BCO1: variants seen among roughly 807,000 people sequenced by gnomAD.
BCO1 encodes beta-carotene oxygenase 1.
In BCO1, 54 loss-of-function variants were observed where a neutral mutation model predicts 56.3. That is an observed-to-expected ratio of 0.96 (90% CI 0.77 to 1.20). BCO1 has a LOEUF of 1.20. Among genes scored for constraint, BCO1 ranks in the 50% most tolerant of loss-of-function variants. The pLI is 0.00. For missense variants in BCO1, 801 were observed against 690.9 expected (o/e 1.16, Z -1.79); for synonymous variants, 318 against 266.1 (o/e 1.20, Z -1.90).
intron 2 of BCO1, among the ~76,000 whole-genome samples, chr16:81,256,594 A>T (rs1217342363): frequency 6.6e-6 from 1 of 152,240 alleles, no homozygotes; most frequent in African/African-American, 2.4e-5. Flanking sequence ...TGCCCAGGAA[A>T]TAAAGTTCTC....
At chr16:81,259,849 T>G (rs1287598263) in intron 3 of BCO1, 44 bp downstream of exon 3, 1 of 1,612,120 alleles carries the variant, frequency 6.2e-7, no homozygotes, top group Admixed American at 1.7e-5. Context: ...TGCTTTTTGC[T>G]ATCCTTGATG....
chr16:81,256,866 C>T (rs140258359), intron 2 of BCO1, among the ~76,000 whole-genome samples: 3,088 of 151,630 alleles, frequency 0.02, 82 homozygotes, highest in African/African-American at 0.071. Flanking sequence ...CCAGCCTGGG[C>T]GACAGAGTGA....
intron 2 of BCO1, among the ~76,000 whole-genome samples, chr16:81,258,057 C>T (rs1011089331): frequency 1.3e-5 from 2 of 152,000 alleles, no homozygotes; most frequent in African/African-American, 2.4e-5. Flanking sequence ...AGTGACGCAG[C>T]CATGACCAGG....
At chr16:81,240,616 A>C (rs1312595248) in intron 1 of BCO1, among the ~76,000 whole-genome samples, 1 of 151,828 alleles carries the variant, frequency 6.6e-6, no homozygotes, top group Non-Finnish European at 1.5e-5. Flanking sequence ...GAGGTAGTAG[A>C]ATTGCTTGAA....
chr16:81,245,849 CTTTTTTT>C (rs1176582576), intron 2 of BCO1, among the ~76,000 whole-genome samples: 1,175 of 93,376 alleles, frequency 0.013, 16 homozygotes, highest in African/African-American at 0.039. Flanking sequence ...CCATCTCTGT[CTTTTTTT>C]TTTTTTTTTT....
At chr16:81,287,202 C>A in intron 9 of BCO1, 93 bp from the exon 10 acceptor site, 1 of 957,414 alleles carries the variant, frequency 1.0e-6, no homozygotes, top group Non-Finnish European at 1.7e-6. Context: ...TGGGCTTCAT[C>A]TCCTCTGTGT....
At chr16:81,259,369 C>G (rs545384596) in intron 2 of BCO1, among the ~76,000 whole-genome samples, 17 of 152,176 alleles carry the variant, frequency 1.1e-4, no homozygotes, top group Middle Eastern at 3.4e-3. Context: ...TGGCGCATGC[C>G]TATAATCCTA....
intron 6 of BCO1, among the ~76,000 whole-genome samples, chr16:81,269,179 C>A (rs1249404335): frequency 2.1e-5 from 3 of 146,144 alleles, no homozygotes; most frequent in Non-Finnish European, 4.4e-5. Context: ...TGTATAAAAT[C>A]CTCCCCAACT....
intron 2 of BCO1, among the ~76,000 whole-genome samples, chr16:81,251,689 C>T (rs2151930455): frequency 6.6e-6 from 1 of 151,986 alleles, no homozygotes; most frequent in South Asian, 2.1e-4. Flanking sequence ...TATTTCAAAG[C>T]AAAAAGTTTT....
intron 6 of BCO1, among the ~76,000 whole-genome samples, chr16:81,268,535 A>G (rs934387676): frequency 2.6e-5 from 4 of 152,202 alleles, no homozygotes; most frequent in Admixed American, 2.6e-4. Context: ...GGTAGCGGCC[A>G]GAGGTTTAGA....
intron 8 of BCO1, among the ~76,000 whole-genome samples, chr16:81,282,288 G>C (rs1258163550): frequency 6.6e-6 from 1 of 152,150 alleles, no homozygotes; most frequent in African/African-American, 2.4e-5. Context: ...AGGAGGTTGT[G>C]GCAGGAGAAT....
chr16:81,258,025 C>T (rs566719516), intron 2 of BCO1, among the ~76,000 whole-genome samples: 2 of 152,048 alleles, frequency 1.3e-5, no homozygotes, highest in Admixed American at 6.6e-5. Flanking sequence ...GATGTGATAC[C>T]GGGACAGGAG....
chr16:81,280,908 G>A lies in BCO1; in HGVS notation c.1153G>A (p.Ala385Thr). ...CAAAGTGGCATCTACAACAGCCACGGCCCTGAAGGAAGAAGATGGCCAAGT... is the reference window on the plus strand; with the variant it reads ...CAAAGTGGCATCTACAACAGCCACGACCCTGAAGGAAGAAGATGGCCAAGT... The part of the protein sequence containing the change: ...LIKVASTTAT[A>T]LKEEDGQVYC... Residue 385 changes from alanine (A) to threonine (T), a missense_variant, in exon 8 of 11, where the codon GCC becomes ACC. Ala to Thr is a moderately conservative substitution (Grantham distance 58). Coordinates refer to ENST00000258168, the MANE Select transcript of BCO1 (RefSeq NM_017429.3). 1 of 1,614,146 alleles carries A rather than the reference G, an allele frequency of 6.2e-7. No individual in the cohort carries two copies. The highest frequency in any genetic ancestry group is 2.2e-5 in the East Asian group (1 of 44,886).
intron 9 of BCO1, 73 bp downstream of exon 9, chr16:81,285,707 T>C (rs1424643012): frequency 8.7e-7 from 1 of 1,155,314 alleles, no homozygotes; most frequent in Non-Finnish European, 1.3e-6. Context: ...ATTCTAAGGT[T>C]CTGAGACGTT....
At position 81,287,381 on chromosome 16, in the gene BCO1, G is replaced by A. The variant is rs183103921; in HGVS notation, c.1389G>A (p.Ala463=). The part of the protein sequence containing the change: ...CWPAEPLFVP[A]PGAKDEDDGV... ...CAGCGGAACCCCTGTTTGTGCCCGC[G>A]CCAGGTGCCAAGGATGAGGATGACG... Residue 463 remains alanine (A), a synonymous_variant, in exon 10 of 11, where the codon GCG becomes GCA. Coordinates refer to ENST00000258168, the MANE Select transcript of BCO1 (RefSeq NM_017429.3). The A allele has an allele frequency of 1.7e-5, 27 of 1,613,940 alleles. No individual in the cohort carries two copies. Among genetic ancestry groups the A allele is most frequent in the East Asian group, 1.6e-4 (7 of 44,872 alleles).
chr16:81,240,836 A>ATTTT (rs140061342), intron 1 of BCO1, among the ~76,000 whole-genome samples: 2 of 139,798 alleles, frequency 1.4e-5, no homozygotes, highest in Non-Finnish European at 1.5e-5. Context: ...TTTAATTTTA[A>ATTTT]TTTTTTTTTT....
intron 9 of BCO1, 120 bp downstream of exon 9, chr16:81,285,754 G>C (rs1308993178): frequency 1.3e-6 from 1 of 794,454 alleles, no homozygotes. Flanking sequence ...GTAAGCCTAG[G>C]ATAAAATAAA....
At chr16:81,268,391 C>T (rs1347934837) in intron 6 of BCO1, among the ~76,000 whole-genome samples, 1 of 152,144 alleles carries the variant, frequency 6.6e-6, no homozygotes, top group Non-Finnish European at 1.5e-5. Context: ...ACATGGAAGC[C>T]CTGGCAGTCC....
intron 2 of BCO1, among the ~76,000 whole-genome samples, chr16:81,255,872 C>G (rs1906103090): frequency 6.6e-6 from 1 of 152,022 alleles, no homozygotes; most frequent in African/African-American, 2.4e-5. Context: ...GTTGCCCAGG[C>G]TGGACTTCAG....
Sources: allele counts gnomAD v4.1 joint callset (sites outside exome capture counted in the v4.1 genomes callset), GRCh38; gene constraint gnomAD v4.1.1; transcripts MANE v1.5; gene names NCBI Gene and HGNC (gene_info 2026-07-23, HGNC 2026-07-21).